FAM167A: variants seen among roughly 807,000 people sequenced by gnomAD.
FAM167A encodes the protein family with sequence similarity 167 member A.
Under a neutral mutation model 14.9 loss-of-function variants are expected in FAM167A, and 23 were observed. The observed-to-expected ratio is 1.55, with a 90% CI of 1.11 to 2.19. The LOEUF (loss-of-function observed/expected upper bound fraction) is 2.19. Ranked by LOEUF, FAM167A falls within the 30% of genes most tolerant of loss-of-function variation. The pLI, the probability that FAM167A is intolerant of heterozygous loss-of-function variation, is 0.00. For missense variants in FAM167A, 401 were observed against 281.5 expected, an observed-to-expected ratio of 1.42 and a Z score of -3.04; for synonymous variants, 174 against 117.7, an observed-to-expected ratio of 1.48 and a Z score of -3.10.
chr8:11,470,012 C>A (rs181018719), upstream of FAM167A, among the ~76,000 whole-genome samples: 1 of 152,216 alleles, frequency 6.6e-6, no homozygotes, highest in Non-Finnish European at 1.5e-5. Context: ...CACTAAATAC[C>A]AGACATTGTT....
intron 2 of FAM167A, 139 bp from the exon 3 acceptor site, chr8:11,424,775 AG>A: frequency 7.7e-7 from 1 of 1,295,594 alleles, no homozygotes; most frequent in Non-Finnish European, 1.0e-6. Flanking sequence ...TTCCCTGCTC[AG>A]GGAGGTGAAA....
chr8:11,473,696 CCTTAGTCT>C (rs1797783903), intron 1 of FAM167A, among the ~76,000 whole-genome samples: 1 of 152,100 alleles, frequency 6.6e-6, no homozygotes, highest in African/African-American at 2.4e-5. Context: ...TGGGCAAATC[CCTTAGTCT>C]CTTGAGCTTC....
chr8:11,424,922 A>C (rs1214321822), intron 2 of FAM167A, among the ~76,000 whole-genome samples: 2 of 152,200 alleles, frequency 1.3e-5, no homozygotes, highest in Non-Finnish European at 1.5e-5. Flanking sequence ...GTGCTTTCTC[A>C]TTGTTTAGAG....
chr8:11,464,728 G>T (rs1431505645), intron 1 of FAM167A, among the ~76,000 whole-genome samples: 1 of 152,186 alleles, frequency 6.6e-6, no homozygotes, highest in African/African-American at 2.4e-5. Context: ...AGGGTTCTGG[G>T]AATACCGGGG....
chr8:11,433,023 G>C (rs189210582), intron 2 of FAM167A, among the ~76,000 whole-genome samples: 1 of 152,012 alleles, frequency 6.6e-6, no homozygotes, highest in Non-Finnish European at 1.5e-5. Context: ...ATGATAACAC[G>C]TGGACACAGG....
rs866195543 is a variant in FAM167A at position 11,456,339 on chromosome 8, G to A, written c.-398+10287C>T. On this transcript the variant is annotated intron_variant, in intron 1 of 2. Coordinates refer to ENST00000284486, the MANE Select transcript of FAM167A (RefSeq NM_053279.3). ...GCTGGGTGTGTATGGGTGTGAGTGTGGGGTGGTTGCCCTGCTGGGTGTGTG... is the reference window on the plus strand; with the variant it reads ...GCTGGGTGTGTATGGGTGTGAGTGTAGGGTGGTTGCCCTGCTGGGTGTGTG... Among the ~76,000 whole-genome samples, 9 of 138,838 alleles carry A rather than the reference G, an allele frequency of 6.5e-5. No homozygotes were observed. The South Asian group carries it at 1.8e-3, about 27-fold the overall frequency. 91.1% of individuals were successfully genotyped at this position (138,838 alleles called of 152,430 possible).
chr8:11,441,996 C>G (rs1383467147), intron 2 of FAM167A, among the ~76,000 whole-genome samples: 2 of 152,224 alleles, frequency 1.3e-5, no homozygotes, highest in African/African-American at 4.8e-5. Context: ...AGGGAAGTGG[C>G]TAGAGGAGCG....
In FAM167A at chr8:11,424,469, G is replaced by A; in HGVS notation, c.549C>T (p.Asp183=). The A allele has an allele frequency of 1.9e-6, 3 of 1,614,186 alleles. No homozygotes were observed. The highest frequency in any genetic ancestry group is 2.5e-6 in the Non-Finnish European group (3 of 1,180,012). ...ERDELADLFC[D]SPLASSFSLS... ...GGCTGAAGGAGGAGGCAAGAGGGGA[G>A]TCACAGAAGAGGTCGGCCAGCTCAT... is the stretch of plus-strand genomic sequence containing the variant. The change falls in exon 3 of 3, where the codon GAC becomes GAT. Residue 183 remains aspartate (D), a synonymous_variant. Transcript: ENST00000284486.
intron 2 of FAM167A, among the ~76,000 whole-genome samples, chr8:11,428,838 T>A (rs1011896203): frequency 1.3e-5 from 2 of 152,090 alleles, no homozygotes; most frequent in African/African-American, 4.8e-5. Context: ...TGAGCCCCGA[T>A]TAGGAGGTCA....
At position 11,444,271 on chromosome 8, in the gene FAM167A, C is replaced by A; in HGVS notation, c.141G>T (p.Leu47=). The A allele has an allele frequency of 2.5e-6, 4 of 1,611,356 alleles. No homozygotes were observed. Among genetic ancestry groups the A allele is most frequent in the Non-Finnish European group, 3.4e-6 (4 of 1,179,462 alleles). Residue 47 remains leucine, a synonymous_variant, in exon 2 of 3, where the codon CTG becomes CTT. Transcript: ENST00000284486. ...GCTCCTCCAGCCTGGCCTGCCATTCCAGGTAGGAGGGCCTGCGGGTCTCCA... is the reference window on the plus strand; with the variant it reads ...GCTCCTCCAGCCTGGCCTGCCATTCAAGGTAGGAGGGCCTGCGGGTCTCCA... The part of the protein sequence containing the change: ...LRLETRRPSY[L]EWQARLEEHT...
chr8:11,470,972 A>C (rs534899614), upstream of FAM167A, among the ~76,000 whole-genome samples: 1 of 152,318 alleles, frequency 6.6e-6, no homozygotes, highest in Non-Finnish European at 1.5e-5. Flanking sequence ...TCTGTCTTCT[A>C]GGGAACCTGT....
intron 2 of FAM167A, among the ~76,000 whole-genome samples, chr8:11,429,793 C>G (rs948674309): frequency 6.6e-5 from 10 of 152,188 alleles, no homozygotes; most frequent in Admixed American, 5.2e-4. Flanking sequence ...ACTCCTCACT[C>G]GTTGGGTGGC....
chr8:11,451,233 G>A (rs1807012524), intron 1 of FAM167A, among the ~76,000 whole-genome samples: 1 of 152,234 alleles, frequency 6.6e-6, no homozygotes, highest in Non-Finnish European at 1.5e-5. Context: ...GTGGGGAAAG[G>A]GTCTAACTGG....
intron 2 of FAM167A, among the ~76,000 whole-genome samples, chr8:11,440,510 G>A (rs28403491): frequency 0.016 from 2,392 of 152,330 alleles, 58 homozygotes; most frequent in African/African-American, 0.053. Flanking sequence ...TGGTCTTGCA[G>A]GAGGCGGGAG....
At chr8:11,435,166 C>T (rs924148566) in intron 2 of FAM167A, 8 of 455,872 alleles carry the variant, frequency 1.8e-5, no homozygotes, top group African/African-American at 1.2e-4. Flanking sequence ...GATGCCCTTG[C>T]CCCCACAGGG....
chr8:11,443,343 A>G (rs1279039531), intron 2 of FAM167A, among the ~76,000 whole-genome samples: 1 of 152,178 alleles, frequency 6.6e-6, no homozygotes, highest in East Asian at 1.9e-4. Flanking sequence ...CAGGAAAGTG[A>G]CCGCGCTGCG....
At position 11,435,231 on chromosome 8, in the gene FAM167A, C is replaced by T. The variant is rs138468510; in HGVS notation, c.381+8800G>A. 5.8e-3 allele frequency: 2,421 copies of T among 418,914 alleles called. 15 individuals carry two copies. Among genetic ancestry groups the T allele is most frequent in the Non-Finnish European group, 8.4e-3 (1,741 of 206,124 alleles). 25.9% of individuals were successfully genotyped at this position (418,914 alleles called of 1,614,324 possible). A position where few individuals can be genotyped will look rare whatever the true frequency, so the allele number is the denominator to read the frequency against. Reference sequence around the variant, plus strand: ...TGTGGTCCCTTCTCCACCTGTCACCCTTCAGGACCAGCTCAGCCTTTGTCC... The same window carrying T: ...TGTGGTCCCTTCTCCACCTGTCACCTTTCAGGACCAGCTCAGCCTTTGTCC... On this transcript the variant is annotated intron_variant, in intron 2 of 2. Coordinates refer to ENST00000284486, the MANE Select transcript of FAM167A (RefSeq NM_053279.3).
At chr8:11,424,879 A>G in intron 2 of FAM167A, among the ~76,000 whole-genome samples, 1 of 152,232 alleles carries the variant, frequency 6.6e-6, no homozygotes, top group East Asian at 1.9e-4. Context: ...TCTGAAAGAC[A>G]TGCATATTGG....
At chr8:11,472,908 C>G (rs911883712) in intron 1 of FAM167A, among the ~76,000 whole-genome samples, 1 of 152,214 alleles carries the variant, frequency 6.6e-6, no homozygotes, top group African/African-American at 2.4e-5. Flanking sequence ...GGACCAGGAA[C>G]TGTCAATTAG....
Sources: allele counts gnomAD v4.1 joint callset (sites outside exome capture counted in the v4.1 genomes callset), GRCh38; gene constraint gnomAD v4.1.1; transcripts MANE v1.5; gene names NCBI Gene and HGNC (gene_info 2026-07-23, HGNC 2026-07-21).